The following SORL1 variants were observed in gnomAD, a reference collection of about 807,000 sequenced individuals.
SORL1 encodes sortilin-related receptor.
In SORL1, 127 loss-of-function variants were observed where a neutral mutation model predicts 273.7. The ratio of observed to expected loss-of-function variants is 0.46; its 90% CI spans 0.40 to 0.54. The LOEUF (loss-of-function observed/expected upper bound fraction) is 0.54, where lower values mean the gene tolerates loss of function less well. Ranked by LOEUF, SORL1 falls within the 20% of genes least tolerant of loss-of-function variation. The pLI is 0.00. For missense variants in SORL1, 2,494 were observed against 2,846.1 expected (o/e 0.88, Z 2.81); for synonymous variants, 1,031 against 1,067.4 (o/e 0.97, Z 0.66).
intron 7 of SORL1, 25 bp from the exon 8 acceptor site, chr11:121,514,127 T>G (rs545777459): frequency 1.2e-6 from 2 of 1,606,548 alleles, no homozygotes; most frequent in South Asian, 2.2e-5. Flanking sequence ...TTTTGACGTA[T>G]CTTTTTTGAC....
intron 25 of SORL1, among the ~76,000 whole-genome samples, chr11:121,580,975 C>T (rs1339524743): frequency 6.7e-6 from 1 of 148,288 alleles, no homozygotes; most frequent in Non-Finnish European, 1.5e-5. Context: ...TACAGTGGTG[C>T]GATCTTGGCT....
At chr11:121,546,658 T>C (rs1862431046) in intron 14 of SORL1, among the ~76,000 whole-genome samples, 1 of 152,236 alleles carries the variant, frequency 6.6e-6, no homozygotes, top group South Asian at 2.1e-4. Context: ...TTAGACTTTG[T>C]AGGCCATATG....
chr11:121,492,116 C>T (rs1031182036), intron 5 of SORL1, among the ~76,000 whole-genome samples: 4 of 152,128 alleles, frequency 2.6e-5, no homozygotes, highest in African/African-American at 9.6e-5. Flanking sequence ...ATCCCAGCAC[C>T]TTGGGAGGCC....
intron 1 of SORL1, among the ~76,000 whole-genome samples, chr11:121,467,923 G>A (rs1364475083): frequency 1.3e-5 from 2 of 152,140 alleles, no homozygotes; most frequent in African/African-American, 2.4e-5. Flanking sequence ...AAGTAAGGTC[G>A]CCTTTCAAAT....
chr11:121,518,548 G>C (rs548828188), intron 8 of SORL1, among the ~76,000 whole-genome samples: 2 of 152,260 alleles, frequency 1.3e-5, no homozygotes, highest in East Asian at 3.9e-4. Flanking sequence ...ATAACCAGTG[G>C]GATGACAGGT....
chr11:121,577,057 C>A, intron 24 of SORL1: 1 of 1,170,548 alleles, frequency 8.5e-7, no homozygotes, highest in South Asian at 1.3e-5. Context: ...CTCTAAGGGT[C>A]TGAGGGTCTC....
chr11:121,461,875 G>GAGGC (rs1861006081), intron 1 of SORL1, among the ~76,000 whole-genome samples: 1 of 152,210 alleles, frequency 6.6e-6, no homozygotes. Context: ...TTTTGGTTGA[G>GAGGC]AGGCATTTGG....
chr11:121,557,178 A>C, intron 18 of SORL1, 136 bp from the exon 19 acceptor site: 1 of 703,440 alleles, frequency 1.4e-6, no homozygotes. Context: ...CAGGTTTCGC[A>C]GATGGGTCAG....
Position 121,555,211 on chromosome 11 carries a change from G to A in SORL1, c.2464G>A (p.Gly822Arg). ...IQRLCLNGST[G>R]QEVIINSGLE... ...GCGCCTCTGTTTGAATGGAAGCACA[G>A]GGCAAGAGGTGATCATCAATTCTGG... is the stretch of plus-strand genomic sequence containing the variant. The change falls in exon 18 of 48, where the codon GGG (glycine) becomes AGG (arginine). Residue 822 changes from glycine to arginine, a missense_variant. Gly to Arg is a moderately radical substitution (Grantham distance 125, BLOSUM62 -2). Coordinates refer to ENST00000260197, the MANE Select transcript of SORL1 (RefSeq NM_003105.6). 6.2e-7 allele frequency: 1 copy of A among 1,613,936 alleles called. No homozygotes were observed. The highest frequency in any genetic ancestry group is 8.5e-7 in the Non-Finnish European group (1 of 1,179,832).
chr11:121,592,821 T>C (rs1863236102), intron 31 of SORL1, among the ~76,000 whole-genome samples: 1 of 152,254 alleles, frequency 6.6e-6, no homozygotes, highest in Admixed American at 6.5e-5. Context: ...ATTGAATAAC[T>C]TGATTATCCT....
At chr11:121,608,021 C>T in intron 37 of SORL1, 83 bp from the exon 38 acceptor site, 1 of 1,282,506 alleles carries the variant, frequency 7.8e-7, no homozygotes. Context: ...AATCTCACCC[C>T]TTTAGCTCAT....
At chr11:121,531,928 C>A (rs1353982807) in intron 11 of SORL1, among the ~76,000 whole-genome samples, 1 of 152,160 alleles carries the variant, frequency 6.6e-6, no homozygotes, top group Non-Finnish European at 1.5e-5. Context: ...GGGACTTTTC[C>A]TTCGGGCAAA....
intron 24 of SORL1, chr11:121,576,706 G>A (rs999132057): frequency 3.8e-5 from 54 of 1,417,518 alleles, no homozygotes; most frequent in Non-Finnish European, 4.7e-5. Context: ...GTTCTTACCA[G>A]GCCCCCACCC....
chr11:121,564,836 C>A (rs1862731615), intron 21 of SORL1, among the ~76,000 whole-genome samples: 2 of 152,122 alleles, frequency 1.3e-5, no homozygotes, highest in Admixed American at 1.3e-4. Context: ...GCCTCCCAAA[C>A]TGCTGGGATT....
At position 121,627,700 on chromosome 11, in the gene SORL1, C is replaced by T. The variant is rs760194098; in HGVS notation, c.6510C>T (p.Thr2170=). 29 of 1,614,006 alleles carry T rather than the reference C, an allele frequency of 1.8e-5. No individual in the cohort carries two copies. Among genetic ancestry groups the T allele is most frequent in the African/African-American group, 4.0e-5 (3 of 74,932 alleles). ...TKHRRLQSSF[T]AFANSHYSSR... ...ACCGGAGGCTGCAGAGCAGCTTCAC[C>T]GCCTTCGCCAACAGCCACTACAGCT... The change falls in exon 47 of 48, where the codon ACC becomes ACT. Residue 2170 remains threonine, a synonymous_variant. Coordinates refer to ENST00000260197, the MANE Select transcript of SORL1 (RefSeq NM_003105.6). The surrounding 1 kb of genome is among the most constrained non-coding windows in gnomAD (Gnocchi z 4.9).
chr11:121,476,906 C>A (rs1406304832), intron 2 of SORL1, among the ~76,000 whole-genome samples: 3 of 151,794 alleles, frequency 2.0e-5, no homozygotes, highest in Non-Finnish European at 4.4e-5. Context: ...ATCTTCACAC[C>A]TCAGCTTCCC....
rs769051240 is a variant in SORL1 at position 121,629,750 on chromosome 11, T to C, written c.*187T>C. The C allele has an allele frequency of 6.3e-5, 36 of 569,756 alleles. No individual in the cohort carries two copies. The highest frequency in any genetic ancestry group is 9.3e-5 in the Non-Finnish European group (30 of 323,226). 35.3% of individuals were successfully genotyped at this position (569,756 alleles called of 1,614,324 possible). ...AACTTTGTAGTAATCAACTGTGAAC[T>C]TCAAACCAGGTTGATTTTAGTAACC... is the stretch of plus-strand genomic sequence containing the variant. On this transcript the variant is annotated 3_prime_UTR_variant, in exon 48 of 48. Coordinates refer to ENST00000260197, the MANE Select transcript of SORL1 (RefSeq NM_003105.6).
Position 121,497,043 on chromosome 11 carries a change from G to A in SORL1, c.933G>A (p.Lys311=), listed in dbSNP as rs374712675. ...GGGACAAGTACATGTTTGCTACAAA[G>A]GTGGTGGTAAGTTGAATGTACTAAA... ...QLRDKYMFAT[K]VVHLLGSEQQ... is the part of the protein sequence containing the mutation. Residue 311 remains lysine (K), a synonymous_variant, in exon 6 of 48, where the codon AAG becomes AAA. Transcript: ENST00000260197. 28 of 1,612,930 alleles carry A rather than the reference G, an allele frequency of 1.7e-5. No individual in the cohort carries two copies. The highest frequency in any genetic ancestry group is 2.4e-5 in the Non-Finnish European group (28 of 1,179,766).
chr11:121,519,943 A>T (rs778358310), intron 8 of SORL1, among the ~76,000 whole-genome samples: 11 of 152,202 alleles, frequency 7.2e-5, no homozygotes, highest in Non-Finnish European at 1.5e-4. Flanking sequence ...GAAAAGAAAC[A>T]AATTTTTTAA....
Sources: allele counts gnomAD v4.1 joint callset (sites outside exome capture counted in the v4.1 genomes callset), GRCh38; gene constraint gnomAD v4.1.1; non-coding constraint Gnocchi (gnomAD v3.1); transcripts MANE v1.5; gene names NCBI Gene and HGNC (gene_info 2026-07-23, HGNC 2026-07-21).